Variants in CSMD3 observed in about 807,000 individuals in gnomAD.
CSMD3 encodes the protein CUB and Sushi multiple domains 3, also known as CUB and sushi domain-containing protein 3.
CSMD3 carries 177 observed loss-of-function variants against 435.2 expected under a neutral mutation model. That is an observed-to-expected ratio of 0.41 (90% CI 0.36 to 0.46). The LOEUF is 0.46. Among genes scored for constraint, CSMD3 ranks in the 20% least tolerant of loss-of-function variants. The pLI, the probability that CSMD3 is intolerant of heterozygous loss-of-function variation, is 0.34. For synonymous variants in CSMD3, 1,656 were observed against 1,520.5 expected (o/e 1.09, Z -2.07); for missense variants, 4,265 against 4,504.6 (o/e 0.95, Z 1.52).
intron 53 of CSMD3, among the ~76,000 whole-genome samples, chr8:112,296,925 T>C (rs1345632038): frequency 6.6e-6 from 1 of 151,644 alleles, no homozygotes; most frequent in Non-Finnish European, 1.5e-5. Context: ...CCTTAAGAAA[T>C]TAAAAGAATA....
At chr8:112,611,510 A>G (rs896511541) in intron 22 of CSMD3, among the ~76,000 whole-genome samples, 52 of 152,306 alleles carry the variant, frequency 3.4e-4, no homozygotes, top group African/African-American at 1.2e-3. Flanking sequence ...TTTCTATAAC[A>G]AAAATCTAAA....
chr8:112,719,485 A>G (rs1271979375), intron 13 of CSMD3, among the ~76,000 whole-genome samples: 1 of 152,098 alleles, frequency 6.6e-6, no homozygotes, highest in Admixed American at 6.6e-5. Flanking sequence ...TTTGGTTTTG[A>G]TGAAAGCTCT....
At chr8:112,550,920 C>A in intron 26 of CSMD3, 47 bp from the exon 27 acceptor site, 1 of 1,399,836 alleles carries the variant, frequency 7.1e-7, no homozygotes, top group East Asian at 2.3e-5. Context: ...AAGGATTCAA[C>A]TTTAAAGAAA....
At chr8:112,956,645 A>C (rs899017465) in intron 7 of CSMD3, among the ~76,000 whole-genome samples, 1 of 152,166 alleles carries the variant, frequency 6.6e-6, no homozygotes, top group Non-Finnish European at 1.5e-5. Context: ...AATGCAAAAG[A>C]ATAAAATCCT....
At chr8:113,295,924 T>C (rs2093717552) in intron 2 of CSMD3, among the ~76,000 whole-genome samples, 1 of 152,058 alleles carries the variant, frequency 6.6e-6, no homozygotes, top group African/African-American at 2.4e-5. Flanking sequence ...TAGACTGGAT[T>C]AAGAAAATGT....
At chr8:112,542,394 A>T (rs1400963146) in intron 27 of CSMD3, among the ~76,000 whole-genome samples, 1 of 151,686 alleles carries the variant, frequency 6.6e-6, no homozygotes. Context: ...CAGATGACAC[A>T]ATCTCATATA....
intron 4 of CSMD3, among the ~76,000 whole-genome samples, chr8:113,114,952 C>T (rs2090777452): frequency 6.6e-6 from 1 of 152,144 alleles, no homozygotes; most frequent in African/African-American, 2.4e-5. Context: ...AAAGACAGAG[C>T]TTTCATAAAA....
chr8:112,500,192 C>A lies in CSMD3; in HGVS notation c.5083+3598G>T, dbSNP rs543562580. ...AGAGAAAATAAAACAGAGGAAATAACATAGATAAAAGCAATACTAATAAAA... is the reference window on the plus strand; with the variant it reads ...AGAGAAAATAAAACAGAGGAAATAAAATAGATAAAAGCAATACTAATAAAA... On this transcript the variant is annotated intron_variant, in intron 30 of 70. Transcript: ENST00000297405. 8.3e-4 allele frequency among the ~76,000 whole-genome samples: 126 copies of A among 151,482 alleles called. 1 individual carries two copies. The highest frequency in any genetic ancestry group is 1.1e-3 in the Non-Finnish European group (78 of 67,852).
intron 31 of CSMD3, among the ~76,000 whole-genome samples, chr8:112,492,182 C>A (rs894284210): frequency 2.0e-5 from 3 of 151,970 alleles, no homozygotes; most frequent in Admixed American, 6.6e-5. Flanking sequence ...TTCTGAGCAC[C>A]TAACGTTTTC....
intron 27 of CSMD3, among the ~76,000 whole-genome samples, chr8:112,519,188 A>T (rs774558765): frequency 7.9e-5 from 12 of 152,174 alleles, no homozygotes; most frequent in Non-Finnish European, 1.3e-4. Context: ...TGTTCGACTA[A>T]TAAAACACAT....
intron 60 of CSMD3, among the ~76,000 whole-genome samples, chr8:112,264,633 T>C (rs1816761506): frequency 6.6e-6 from 1 of 152,130 alleles, no homozygotes. Context: ...ATATTTATAG[T>C]GATCTGATAC....
intron 1 of CSMD3, among the ~76,000 whole-genome samples, chr8:113,381,716 A>G (rs1312366282): frequency 6.6e-6 from 1 of 152,146 alleles, no homozygotes; most frequent in African/African-American, 2.4e-5. Context: ...CAAATGGCCA[A>G]TTCAATAAAG....
At chr8:112,581,349 T>C (rs1830322483) in intron 23 of CSMD3, among the ~76,000 whole-genome samples, 1 of 152,072 alleles carries the variant, frequency 6.6e-6, no homozygotes, top group African/African-American at 2.4e-5. Context: ...CAATATGTTT[T>C]CAAAGGTTAG....
At chr8:113,230,003 G>A (rs779480726) in intron 3 of CSMD3, among the ~76,000 whole-genome samples, 1 of 151,602 alleles carries the variant, frequency 6.6e-6, no homozygotes, top group Non-Finnish European at 1.5e-5. Context: ...GTCCAGTATG[G>A]AACCTGCCAG....
chr8:112,619,228 T>C (rs1370342371), intron 22 of CSMD3, among the ~76,000 whole-genome samples: 2 of 152,046 alleles, frequency 1.3e-5, no homozygotes, highest in East Asian at 3.9e-4. Flanking sequence ...GAATTGCTTA[T>C]TGCTAATCAC....
intron 12 of CSMD3, among the ~76,000 whole-genome samples, chr8:112,821,443 G>T (rs1021746216): frequency 6.6e-6 from 1 of 151,678 alleles, no homozygotes; most frequent in Non-Finnish European, 1.5e-5. Flanking sequence ...CTGCATAAAT[G>T]TCTTCTTTTG....
At chr8:113,008,613 T>G (rs1037441359) in intron 6 of CSMD3, among the ~76,000 whole-genome samples, 2 of 151,658 alleles carry the variant, frequency 1.3e-5, no homozygotes, top group Admixed American at 6.6e-5. Flanking sequence ...TACACACAAC[T>G]TTATTGTTTT....
intron 61 of CSMD3, among the ~76,000 whole-genome samples, chr8:112,261,943 T>C (rs749318387): frequency 5.1e-4 from 78 of 152,186 alleles, no homozygotes; most frequent in Middle Eastern, 3.4e-3. Context: ...CTAAATATTG[T>C]CATTGTTTTC....
At chr8:113,109,973 CAG>C (rs1261723584) in intron 4 of CSMD3, among the ~76,000 whole-genome samples, 1 of 152,196 alleles carries the variant, frequency 6.6e-6, no homozygotes, top group African/African-American at 2.4e-5. Context: ...AGCACGGAAA[CAG>C]AGTGCAGGCA....
Sources: gnomAD v4.1 joint callset for allele counts (sites outside exome capture counted in the v4.1 genomes callset) on GRCh38, gnomAD v4.1.1 for gene constraint, MANE v1.5 for transcripts, NCBI Gene and HGNC (gene_info 2026-07-23, HGNC 2026-07-21) for gene names.